The following DEPDC4 variants were observed in gnomAD, a reference collection of about 807,000 sequenced individuals.
The protein encoded by DEPDC4 is DEP domain containing 4.
In DEPDC4, 52 loss-of-function variants were observed where a neutral mutation model predicts 52.0. The ratio of observed to expected loss-of-function variants is 1.00; its 90% confidence interval spans 0.80 to 1.26. The LOEUF (loss-of-function observed/expected upper bound fraction) is 1.26, where lower values mean the gene tolerates loss of function less well. Among genes scored for constraint, DEPDC4 ranks in the 50% most tolerant of loss-of-function variants. The pLI, the probability that DEPDC4 is intolerant of heterozygous loss-of-function variation, is 0.00. For synonymous variants in DEPDC4, 201 were observed against 196.8 expected (o/e 1.02, Z -0.18); for missense variants, 530 against 546.9 (o/e 0.97, Z 0.31).
At chr12:100,235,143 T>C (rs2096139482), downstream of DEPDC4, among the ~76,000 whole-genome samples, 1 of 151,938 alleles carries the variant, frequency 6.6e-6, no homozygotes, top group Non-Finnish European at 1.5e-5. Flanking sequence ...TTAGAGAATG[T>C]TGTAGGAAAT....
chr12:100,239,673 C>T (rs1354342125), downstream of DEPDC4, among the ~76,000 whole-genome samples: 1 of 152,112 alleles, frequency 6.6e-6, no homozygotes, highest in African/African-American at 2.4e-5. Flanking sequence ...GTGTGAGCCA[C>T]CAGGCCAAGC....
chr12:100,269,164 A>G (rs1195290740), upstream of DEPDC4, among the ~76,000 whole-genome samples: 1 of 152,168 alleles, frequency 6.6e-6, no homozygotes, highest in African/African-American at 2.4e-5. Context: ...ACACATTAAC[A>G]TGCCCTACAA....
the DEPDC4 span, among the ~76,000 whole-genome samples, chr12:100,277,213 A>T: frequency 6.6e-6 from 1 of 152,186 alleles, no homozygotes; most frequent in Non-Finnish European, 1.5e-5. Context: ...ATTTTTAGTG[A>T]ATGTTACATG....
At chr12:100,277,587 GT>G in the DEPDC4 span, among the ~76,000 whole-genome samples, 7 of 151,992 alleles carry the variant, frequency 4.6e-5, no homozygotes, top group Non-Finnish European at 7.4e-5. Flanking sequence ...TTTTACCTGT[GT>G]TTTTATACTT....
chr12:100,263,242 A>G (rs1444678908), intron 2 of DEPDC4, among the ~76,000 whole-genome samples: 1 of 152,228 alleles, frequency 6.6e-6, no homozygotes, highest in African/African-American at 2.4e-5. Context: ...CTACCTGGCC[A>G]AAAGTCACCC....
At chr12:100,278,494 T>G in the DEPDC4 span, among the ~76,000 whole-genome samples, 1 of 152,210 alleles carries the variant, frequency 6.6e-6, no homozygotes, top group Non-Finnish European at 1.5e-5. Flanking sequence ...TCTGAAGATG[T>G]CTTTATTTCA....
chr12:100,272,321 G>T, the DEPDC4 span, among the ~76,000 whole-genome samples: 1 of 152,078 alleles, frequency 6.6e-6, no homozygotes, highest in Non-Finnish European at 1.5e-5. Context: ...TTAAGAAAAG[G>T]TATTTGGACT....
chr12:100,272,100 A>G, the DEPDC4 span, among the ~76,000 whole-genome samples: 2 of 152,160 alleles, frequency 1.3e-5, no homozygotes, highest in African/African-American at 2.4e-5. Context: ...AGAGAGATAC[A>G]CAGTCTTGGA....
At chr12:100,273,598 A>G in the DEPDC4 span, among the ~76,000 whole-genome samples, 1 of 152,192 alleles carries the variant, frequency 6.6e-6, no homozygotes, top group South Asian at 2.1e-4. Context: ...GATGATGGAT[A>G]GCATCTCAAA....
chr12:100,257,326 C>G (rs1250725120), intron 3 of DEPDC4, among the ~76,000 whole-genome samples: 1 of 152,094 alleles, frequency 6.6e-6, no homozygotes, highest in Non-Finnish European at 1.5e-5. Flanking sequence ...GATCCACCCG[C>G]CTTGGCCTCC....
chr12:100,263,688 A>C lies in DEPDC4; in HGVS notation c.363T>G (p.Val121=). 1 of 1,614,156 alleles carries C rather than the reference A, an allele frequency of 6.2e-7. No individual in the cohort carries two copies. The highest frequency in any genetic ancestry group is 8.5e-7 in the Non-Finnish European group (1 of 1,180,024). The change falls in exon 2 of 10, where the codon GTT becomes GTG. Residue 121 remains valine, a synonymous_variant. Transcript: ENST00000550587. The stretch of plus-strand genomic sequence containing the variant: ...GATTCATTAGAACTTGGCAAAGATG[A>C]ACCCCTTTAAGACAAGAGATGTCAT... ...SSNDISCLKG[V]HLCQVLMNHK... is the part of the protein sequence containing the mutation.
chr12:100,262,700 T>C (rs1566327354), intron 2 of DEPDC4, among the ~76,000 whole-genome samples: 1 of 152,196 alleles, frequency 6.6e-6, no homozygotes, highest in Non-Finnish European at 1.5e-5. Flanking sequence ...CCTTGGCTTT[T>C]AGTACACTGG....
chr12:100,265,164 T>C (rs781404909), intron 1 of DEPDC4, among the ~76,000 whole-genome samples: 7 of 151,832 alleles, frequency 4.6e-5, no homozygotes, highest in Non-Finnish European at 1.0e-4. Context: ...CATGGTGGCG[T>C]GCTCCTATAG....
chr12:100,277,890 T>C, the DEPDC4 span, among the ~76,000 whole-genome samples: 1 of 152,130 alleles, frequency 6.6e-6, no homozygotes, highest in Non-Finnish European at 1.5e-5. Context: ...TTGTTATTTT[T>C]ATTTTGTTAT....
chr12:100,232,183 G>C (rs2096135657), intron 9 of DEPDC4, among the ~76,000 whole-genome samples: 2 of 152,018 alleles, frequency 1.3e-5, no homozygotes, highest in African/African-American at 4.8e-5. Context: ...CCTGAGGTCA[G>C]GAGTTTGAGA....
intron 8 of DEPDC4, among the ~76,000 whole-genome samples, chr12:100,245,422 A>G (rs1170295347): frequency 6.6e-6 from 1 of 152,026 alleles, no homozygotes; most frequent in Non-Finnish European, 1.5e-5. Context: ...ACCCACCACC[A>G]TGCTGGGCTA....
Position 100,241,743 on chromosome 12 carries a change from G to C in DEPDC4, c.*149C>G. On this transcript the variant is annotated 3_prime_UTR_variant, in exon 10 of 10. Transcript: ENST00000550587. ...CTTTTTTCGTTTCAGAGAGATGCTG[G>C]GGTTACTATTAATCTCAAGAGCCAA... 1 of 1,275,160 alleles carries C rather than the reference G, an allele frequency of 7.8e-7. No homozygotes were observed. Among genetic ancestry groups the C allele is most frequent in the Non-Finnish European group, 1.0e-6 (1 of 981,952 alleles). 79.0% of individuals were successfully genotyped at this position (1,275,160 alleles called of 1,614,324 possible). A position where few individuals can be genotyped will look rare whatever the true frequency, so the allele number is the denominator to read the frequency against.
the DEPDC4 span, among the ~76,000 whole-genome samples, chr12:100,280,207 C>T: frequency 2.6e-5 from 4 of 152,138 alleles, no homozygotes; most frequent in African/African-American, 9.7e-5. Context: ...ACTCTTTGTT[C>T]CTCCCTCATG....
the DEPDC4 span, among the ~76,000 whole-genome samples, chr12:100,277,110 G>GTAT: frequency 2.0e-5 from 3 of 152,110 alleles, no homozygotes; most frequent in African/African-American, 7.2e-5. Context: ...AGAATCGTTT[G>GTAT]TATTATTTCA....
Sources: gnomAD v4.1 joint callset for allele counts (sites outside exome capture counted in the v4.1 genomes callset) on GRCh38, gnomAD v4.1.1 for gene constraint, MANE v1.5 for transcripts, NCBI Gene and HGNC (gene_info 2026-07-23, HGNC 2026-07-21) for gene names.